Variants in GARNL3 observed in about 807,000 individuals in gnomAD.
The protein encoded by GARNL3 is GTPase activating Rap/RanGAP domain like 3.
Under a neutral mutation model 125.0 loss-of-function variants are expected in GARNL3, and 63 were observed. The ratio of observed to expected loss-of-function variants is 0.50; its 90% CI spans 0.41 to 0.62. The LOEUF is 0.62. GARNL3 is among the 20% of genes least tolerant of loss of function. The probability of loss-of-function intolerance (pLI) is 0.00; values close to 1 mark genes in which losing one functional copy is unlikely to be tolerated. For missense variants in GARNL3, 994 were observed against 1,244.0 expected, an observed-to-expected ratio of 0.80 and a Z score of 3.02; for synonymous variants, 439 against 457.5, an observed-to-expected ratio of 0.96 and a Z score of 0.52.
At chr9:127,300,889 G>T in intron 2 of GARNL3, 2 of 257,526 alleles carry the variant, frequency 7.8e-6, no homozygotes, top group African/African-American at 2.3e-5. Flanking sequence ...CCACAATAAA[G>T]GACTCACAGT....
chr9:127,360,008 GA>G (rs139476881), intron 21 of GARNL3, among the ~76,000 whole-genome samples: 2 of 150,956 alleles, frequency 1.3e-5, no homozygotes, highest in African/African-American at 4.9e-5. Flanking sequence ...TTTCCTAAGA[GA>G]AAAAAAAATG....
Position 127,391,533 on chromosome 9 carries a change from A to AAAAAGAATATATATATATATATAT in GARNL3, c.2870+767_2870+768insAAAGAATATATATATATATATATA. 1.6e-3 allele frequency among the ~76,000 whole-genome samples: 124 copies of AAAAAGAATATATATATATATATAT among 75,858 alleles called. 7 individuals are homozygous for AAAAAGAATATATATATATATATAT. The highest frequency in any genetic ancestry group is 4.7e-3 in the African/African-American group (119 of 25,500). 49.8% of individuals were successfully genotyped at this position (75,858 alleles called of 152,430 possible). On this transcript the variant is annotated intron_variant, in intron 27 of 27. Transcript: ENST00000373387. ...GCAAGACCCATCTCTACAAAAAAAA[A>AAAAAGAATATATATATATATATAT]ATATATATATATATATATAGGCTGG...
At chr9:127,249,003 A>G (rs2063353362) in intron 2 of GARNL3, among the ~76,000 whole-genome samples, 1 of 152,070 alleles carries the variant, frequency 6.6e-6, no homozygotes, top group African/African-American at 2.4e-5. Flanking sequence ...TAAGTTCCCA[A>G]AGCTCCAAAG....
upstream of GARNL3, chr9:127,263,865 T>C (rs2063644707): frequency 7.4e-7 from 1 of 1,349,378 alleles, no homozygotes; most frequent in African/African-American, 1.5e-5. Flanking sequence ...CTGTCTTTCT[T>C]GGAGCCTGTC....
At chr9:127,248,410 T>A (rs952988741) in intron 2 of GARNL3, among the ~76,000 whole-genome samples, 5 of 152,142 alleles carry the variant, frequency 3.3e-5, no homozygotes, top group African/African-American at 1.2e-4. Flanking sequence ...CTGAGACTAT[T>A]TCCCTTGCAG....
intron 1 of GARNL3, among the ~76,000 whole-genome samples, chr9:127,270,969 C>A (rs1309825194): frequency 2.7e-5 from 4 of 150,642 alleles, no homozygotes. Context: ...AGGTATCTAT[C>A]CCTGATTCAA....
chr9:127,347,192 G>A (rs1036853881), intron 16 of GARNL3, among the ~76,000 whole-genome samples: 4 of 152,154 alleles, frequency 2.6e-5, no homozygotes, highest in Admixed American at 6.5e-5. Context: ...GGTTGAGGCC[G>A]GAGGACTACT....
chr9:127,281,336 A>G (rs1564876779), intron 1 of GARNL3, among the ~76,000 whole-genome samples: 1 of 152,192 alleles, frequency 6.6e-6, no homozygotes. Context: ...CAGATCAATC[A>G]TAGCGATGGG....
At position 127,242,981 on chromosome 9, in the gene GARNL3, C is replaced by CAAAGG; in HGVS notation, c.-28-98_-28-97insAAAGG. 1 of 1,078,288 alleles carries CAAAGG rather than the reference C, an allele frequency of 9.3e-7. No homozygotes were observed. The allele number at this position is 1,078,288 out of a possible 1,614,324, so 66.8% of individuals were successfully genotyped here. A position where few individuals can be genotyped will look rare whatever the true frequency, so the allele number is the denominator to read the frequency against. The stretch of plus-strand genomic sequence containing the variant: ...TCAGTGTCACCCTCCTCCTTGCTTA[C>CAAAGG]CAGCGGGGCTGCCTTTGGGAGGAGG... On this transcript the variant is annotated intron_variant, in intron 1 of 10. Coordinates refer to the GARNL3 transcript ENST00000439286. This position sits in a 1 kb window ranked among gnomAD's most constrained non-coding sequence, Gnocchi z 4.6.
intron 12 of GARNL3, among the ~76,000 whole-genome samples, chr9:127,339,282 G>A (rs911895431): frequency 6.8e-6 from 1 of 147,190 alleles, no homozygotes; most frequent in African/African-American, 2.6e-5. Context: ...GGGTGACAGA[G>A]CGAGACTCCG....
rs150580718 is a variant in GARNL3 at position 127,280,294 on chromosome 9, C to G, written c.145-10874C>G. ...CCTGGGGCACTTGGTTTATGAGGAC[C>G]ACATTCTCTAAGATGGACTCACTCT... is the stretch of plus-strand genomic sequence containing the variant. On this transcript the variant is annotated intron_variant, in intron 1 of 27. Coordinates refer to ENST00000373387, the MANE Select transcript of GARNL3 (RefSeq NM_032293.5). This position sits in a 1 kb window ranked among gnomAD's most constrained non-coding sequence, Gnocchi z 4.5. 5.1e-4 allele frequency among the ~76,000 whole-genome samples: 78 copies of G among 152,280 alleles called. No individual in the cohort carries two copies. The East Asian group carries it at 0.014, about 27-fold the overall frequency.
intron 4 of GARNL3, 99 bp downstream of exon 4, chr9:127,313,658 C>A: frequency 1.2e-6 from 1 of 828,094 alleles, no homozygotes; most frequent in Non-Finnish European, 2.1e-6. Context: ...CCAGGGCATG[C>A]CTCATAGTCT....
At chr9:127,277,011 C>T (rs534666950) in intron 1 of GARNL3, among the ~76,000 whole-genome samples, 1 of 152,346 alleles carries the variant, frequency 6.6e-6, no homozygotes, top group African/African-American at 2.4e-5. Context: ...TGTCCCCCAA[C>T]TCCCATCCAC....
intron 9 of GARNL3, among the ~76,000 whole-genome samples, chr9:127,334,339 G>A (rs1396130647): frequency 6.6e-6 from 1 of 152,206 alleles, no homozygotes; most frequent in African/African-American, 2.4e-5. Flanking sequence ...GGCAGCGGGT[G>A]TGAGGCCCTT....
exon 2 of GARNL3, chr9:127,243,105 T>C: frequency 7.3e-7 from 1 of 1,363,322 alleles, no homozygotes; most frequent in East Asian, 4.6e-5. Context: ...CCAGGCCCAC[T>C]GATGGACCCG....
chr9:127,380,454 A>G (rs1335106200), intron 22 of GARNL3, among the ~76,000 whole-genome samples: 2 of 152,322 alleles, frequency 1.3e-5, no homozygotes, highest in Admixed American at 1.3e-4. Flanking sequence ...TCTATACAAG[A>G]GAAATGAATA....
At chr9:127,344,622 C>T (rs1830040961) in intron 15 of GARNL3, among the ~76,000 whole-genome samples, 1 of 152,194 alleles carries the variant, frequency 6.6e-6, no homozygotes, top group Admixed American at 6.5e-5. Flanking sequence ...CCAGAGAACA[C>T]AGATCTCTTG....
At chr9:127,358,347 A>G (rs544154686) in intron 21 of GARNL3, among the ~76,000 whole-genome samples, 41 of 152,342 alleles carry the variant, frequency 2.7e-4, no homozygotes, top group African/African-American at 8.9e-4. Flanking sequence ...AGTGCAAGCC[A>G]GTATTCTGGC....
At chr9:127,258,283 T>G (rs1217333036) in intron 2 of GARNL3, among the ~76,000 whole-genome samples, 2 of 152,176 alleles carry the variant, frequency 1.3e-5, no homozygotes, top group Non-Finnish European at 2.9e-5. Flanking sequence ...TCTTTCTGCT[T>G]ATTTCCTACT....
Sources: gnomAD v4.1 joint callset for allele counts (sites outside exome capture counted in the v4.1 genomes callset) on GRCh38, gnomAD v4.1.1 for gene constraint, Gnocchi (gnomAD v3.1) non-coding constraint, MANE v1.5 for transcripts, NCBI Gene and HGNC (gene_info 2026-07-23, HGNC 2026-07-21) for gene names.